Variants in SPTBN1 observed in about 807,000 individuals in gnomAD.
SPTBN1 encodes spectrin beta chain, non-erythrocytic 1.
SPTBN1 carries 32 observed loss-of-function variants against 266.4 expected under a neutral mutation model. The observed-to-expected ratio is 0.12, with a 90% CI of 0.09 to 0.16. SPTBN1 has a LOEUF of 0.16. SPTBN1 is among the 10% of genes least tolerant of loss of function. SPTBN1 has a pLI of 1.00. For synonymous variants in SPTBN1, 1,336 were observed against 1,162.2 expected (o/e 1.15, Z -3.04); for missense variants, 2,296 against 3,067.1 (o/e 0.75, Z 5.94).
intron 1 of SPTBN1, among the ~76,000 whole-genome samples, chr2:54,458,182 G>C (rs1693168495): frequency 6.6e-6 from 1 of 152,184 alleles, no homozygotes; most frequent in South Asian, 2.1e-4. Flanking sequence ...TACCAAGTAT[G>C]CATTTTTTCT....
At chr2:54,654,955 C>A (rs1370932992) in intron 27 of SPTBN1, 115 bp from the exon 28 acceptor site, 45 of 608,138 alleles carry the variant, frequency 7.4e-5, no homozygotes, top group Non-Finnish European at 1.0e-4. Flanking sequence ...ACCTGAAAGA[C>A]CATCAGTTTC....
rs1046794877 is a variant in SPTBN1 at position 54,533,916 on chromosome 2, A to G, written c.148+7350A>G. On this transcript the variant is annotated intron_variant, in intron 2 of 35. Coordinates refer to ENST00000356805, the MANE Select transcript of SPTBN1 (RefSeq NM_003128.3). This position sits in a 1 kb window ranked among gnomAD's most constrained non-coding sequence, Gnocchi z 4.2. ...GTCTCTCTCTCACACACACACACACACACACACACACGCACGCACGCACAC... is the reference window on the plus strand; with the variant it reads ...GTCTCTCTCTCACACACACACACACGCACACACACACGCACGCACGCACAC... Among the ~76,000 whole-genome samples the G allele has an allele frequency of 1.0e-4, 15 of 150,656 alleles. No homozygotes were observed. Among genetic ancestry groups the G allele is most frequent in the Non-Finnish European group, 1.5e-4 (10 of 67,902 alleles).
chr2:54,481,626 A>G (rs1332737968), intron 1 of SPTBN1, among the ~76,000 whole-genome samples: 2 of 152,168 alleles, frequency 1.3e-5, no homozygotes, highest in South Asian at 2.1e-4. Flanking sequence ...TTTTGGACCA[A>G]TACCGGCTTT....
chr2:54,562,533 C>CTTTTTTTCT lies in SPTBN1; in HGVS notation c.148+35974_148+35975insCTTTTTTTT, dbSNP rs746897447. ...AAATGCTTACTTTTCTTTTCTTTTT[C>CTTTTTTTCT]TTTTTTTTTTTTGAGGCAAGGTCTG... is the stretch of plus-strand genomic sequence containing the variant. On this transcript the variant is annotated intron_variant, in intron 2 of 35. Transcript: ENST00000356805. 7.9e-5 allele frequency among the ~76,000 whole-genome samples: 10 copies of CTTTTTTTCT among 126,824 alleles called. 2 individuals are homozygous for CTTTTTTTCT. The highest frequency in any genetic ancestry group is 2.1e-4 in the East Asian group (1 of 4,754). The allele number at this position is 126,824 out of a possible 152,430, so 83.2% of individuals were successfully genotyped here. A position where few individuals can be genotyped will look rare whatever the true frequency, so the allele number is the denominator to read the frequency against.
chr2:54,656,050 C>A, intron 29 of SPTBN1, 52 bp downstream of exon 29: 1 of 1,473,396 alleles, frequency 6.8e-7, no homozygotes, highest in Non-Finnish European at 9.4e-7. Flanking sequence ...GGAAAACATG[C>A]ACGTTTATTT....
At position 54,628,382 on chromosome 2, in the gene SPTBN1, G is replaced by A. The variant is rs1030616523; in HGVS notation, c.1798+132G>A. On this transcript the variant is annotated intron_variant, in intron 13 of 35. Transcript: ENST00000356805. The surrounding 1 kb of genome is among the most constrained non-coding windows in gnomAD (Gnocchi z 4.3). ...GGTTTGTCATGGGAGCATGAAATAC[G>A]GTGGAGTGGCCTTCTGAACACTAAC... 1.7e-5 allele frequency: 20 copies of A among 1,158,630 alleles called. No homozygotes were observed. The highest frequency in any genetic ancestry group is 3.7e-5 in the South Asian group (2 of 53,718). 71.8% of individuals were successfully genotyped at this position (1,158,630 alleles called of 1,614,324 possible).
At chr2:54,665,859 A>C in intron 33 of SPTBN1, 56 bp from the exon 34 acceptor site, 1 of 1,544,798 alleles carries the variant, frequency 6.5e-7, no homozygotes, top group South Asian at 1.2e-5. Flanking sequence ...TTAGTTCTTT[A>C]AGGGGAATGT....
At chr2:54,497,891 T>C (rs891107486) in intron 1 of SPTBN1, among the ~76,000 whole-genome samples, 7 of 152,162 alleles carry the variant, frequency 4.6e-5, no homozygotes, top group African/African-American at 1.7e-4. Context: ...CAGGTGCAAG[T>C]GTGCGCCAGT....
At chr2:54,656,359 C>T (rs1057492799) in intron 29 of SPTBN1, among the ~76,000 whole-genome samples, 1 of 152,132 alleles carries the variant, frequency 6.6e-6, no homozygotes, top group Non-Finnish European at 1.5e-5. Flanking sequence ...ATATTTGGTG[C>T]TCTTAGTGGA....
At chr2:54,459,613 C>A (rs905958793) in intron 1 of SPTBN1, among the ~76,000 whole-genome samples, 1 of 150,666 alleles carries the variant, frequency 6.6e-6, no homozygotes, top group Non-Finnish European at 1.5e-5. Context: ...ATTTTTTTTA[C>A]GTGCAATGAC....
Position 54,635,939 on chromosome 2 carries a change from TTTA to T in SPTBN1, c.3768-1771_3768-1769del, listed in dbSNP as rs368166868. The stretch of plus-strand genomic sequence containing the variant: ...TTTAGCCCAAATTCACTAACAATCT[TTTA>T]TTTTTTTAAATTTAATTTTGGTTTC... On this transcript the variant is annotated intron_variant, in intron 17 of 35. Coordinates refer to ENST00000356805, the MANE Select transcript of SPTBN1 (RefSeq NM_003128.3). Among the ~76,000 whole-genome samples the T allele has an allele frequency of 1.3e-3, 192 of 152,372 alleles. 3 individuals carry two copies. The South Asian group carries it at 0.035, about 28-fold the overall frequency.
chr2:54,526,705 C>T, intron 2 of SPTBN1, 139 bp downstream of exon 2: 1 of 1,076,214 alleles, frequency 9.3e-7, no homozygotes, highest in Non-Finnish European at 1.2e-6. Flanking sequence ...TGAGAGCCAG[C>T]TGACCATTTT....
intron 3 of SPTBN1, among the ~76,000 whole-genome samples, chr2:54,606,775 G>A (rs769789943): frequency 2.6e-5 from 4 of 152,174 alleles, no homozygotes; most frequent in Non-Finnish European, 4.4e-5. Context: ...GGGCGGCACC[G>A]ATTACACAGG....
intron 1 of SPTBN1, among the ~76,000 whole-genome samples, chr2:54,489,605 A>G (rs556439424): frequency 6.6e-6 from 1 of 152,284 alleles, no homozygotes; most frequent in African/African-American, 2.4e-5. Flanking sequence ...AGGCTGAGGC[A>G]TGAGAATCAC....
chr2:54,623,463 T>C lies in SPTBN1; in HGVS notation c.1065-16T>C. The C allele has an allele frequency of 6.2e-7, 1 of 1,609,946 alleles. No individual in the cohort carries two copies. The highest frequency in any genetic ancestry group is 8.5e-7 in the Non-Finnish European group (1 of 1,176,368). On this transcript the variant is annotated splice_polypyrimidine_tract_variant and intron_variant, in intron 9 of 35. Transcript: ENST00000356805. ...TTTTTCTCCAGTACCAAATGAATGT[T>C]TTCCCCTGTGTTTAGATTTACTGAG...
Position 54,523,213 on chromosome 2 carries a change from A to G in SPTBN1, c.-47-3159A>G, listed in dbSNP as rs566316000. Among the ~76,000 whole-genome samples, 13 of 152,334 alleles carry G rather than the reference A, an allele frequency of 8.5e-5. No individual in the cohort carries two copies. The East Asian group carries it at 2.3e-3, about 27-fold the overall frequency. ...CAATGGAATATACTTACTCGATTAG[A>G]TTTCTGAAGTTTTTGTGTTTTTATG... On this transcript the variant is annotated intron_variant, in intron 1 of 35. Coordinates refer to ENST00000356805, the MANE Select transcript of SPTBN1 (RefSeq NM_003128.3).
intron 1 of SPTBN1, among the ~76,000 whole-genome samples, chr2:54,509,066 G>A (rs944182050): frequency 6.6e-6 from 1 of 152,176 alleles, no homozygotes; most frequent in Non-Finnish European, 1.5e-5. Context: ...GTAATGGAGG[G>A]GGGCAGAGCG....
chr2:54,603,328 GT>G (rs1481531932), intron 3 of SPTBN1, among the ~76,000 whole-genome samples: 3 of 151,896 alleles, frequency 2.0e-5, no homozygotes, highest in Non-Finnish European at 2.9e-5. Flanking sequence ...AACTGGAGGG[GT>G]TTTTTTTGAA....
chr2:54,564,515 T>C (rs1673541896), intron 2 of SPTBN1, among the ~76,000 whole-genome samples: 2 of 152,196 alleles, frequency 1.3e-5, no homozygotes, highest in Admixed American at 6.5e-5. Context: ...TGCAAACATG[T>C]CTGGGATTCA....
Sources: gnomAD v4.1 joint callset for allele counts (sites outside exome capture counted in the v4.1 genomes callset) on GRCh38, gnomAD v4.1.1 for gene constraint, Gnocchi (gnomAD v3.1) non-coding constraint, MANE v1.5 for transcripts, NCBI Gene and HGNC (gene_info 2026-07-23, HGNC 2026-07-21) for gene names.